The following FAHD1 variants were observed in gnomAD, a reference collection of about 807,000 sequenced individuals.
The protein encoded by FAHD1 is FAH domain containing oxaloacetate decarboxylase 1.
In FAHD1, 14 loss-of-function variants were observed where a neutral mutation model predicts 12.7. That is an observed-to-expected ratio of 1.10 (90% CI 0.73 to 1.72). The LOEUF (loss-of-function observed/expected upper bound fraction) is 1.72. Among genes scored for constraint, FAHD1 ranks in the 40% most tolerant of loss-of-function variants. The probability of loss-of-function intolerance (pLI) is 0.00; values close to 1 mark genes in which losing one functional copy is unlikely to be tolerated. For synonymous variants in FAHD1, 153 were observed against 124.9 expected (o/e 1.22, Z -1.50); for missense variants, 351 against 298.9 (o/e 1.17, Z -1.29).
downstream of FAHD1, chr16:1,829,035 T>A: frequency 1.9e-6 from 1 of 519,502 alleles, no homozygotes; most frequent in Middle Eastern, 9.7e-4. Context: ...TTAACACAGT[T>A]AATCAGCAAC....
chr16:1,832,320 T>G (rs552221274), downstream of FAHD1, among the ~76,000 whole-genome samples: 25,947 of 148,926 alleles, frequency 0.17, 2,399 homozygotes, highest in South Asian at 0.27. Context: ...ACAGGCGCCC[T>G]CCACCACACC....
At chr16:1,837,977 T>A (rs1442069663) in intron 1 of FAHD1, 1 of 1,443,926 alleles carries the variant, frequency 6.9e-7, no homozygotes, top group Non-Finnish European at 9.2e-7. Flanking sequence ...AAATTTTATT[T>A]GCAGTAATTA....
chr16:1,829,050 C>T, downstream of FAHD1: 1 of 436,926 alleles, frequency 2.3e-6, no homozygotes, highest in Non-Finnish European at 3.1e-6. Flanking sequence ...AGCAACTGTA[C>T]TTCCCAACCG....
chr16:1,832,679 G>A (rs1242220388), downstream of FAHD1, among the ~76,000 whole-genome samples: 1 of 152,010 alleles, frequency 6.6e-6, no homozygotes, highest in African/African-American at 2.4e-5. Context: ...CTGGACACGG[G>A]GCTCAGTGGA....
At chr16:1,828,528 A>T (rs1201940349) in exon 1 of FAHD1, 10 of 1,000,122 alleles carry the variant, frequency 1.0e-5, no homozygotes, top group Non-Finnish European at 1.2e-5. Flanking sequence ...TTCAGCACTT[A>T]AAAACTGCAG....
chr16:1,836,163 G>GTTATT (rs149317740), intron 1 of FAHD1, among the ~76,000 whole-genome samples: 26,923 of 151,814 alleles, frequency 0.18, 2,519 homozygotes, highest in South Asian at 0.27. Flanking sequence ...TTCAACATGT[G>GTTATT]TTATTTTTGT....
At chr16:1,837,724 G>T in intron 1 of FAHD1, 2 of 877,636 alleles carry the variant, frequency 2.3e-6, no homozygotes, top group Non-Finnish European at 3.4e-6. Flanking sequence ...TTTTTCTTAT[G>T]GTTTGAATAT....
At chr16:1,831,819 G>A (rs1382295631), downstream of FAHD1, among the ~76,000 whole-genome samples, 1 of 152,114 alleles carries the variant, frequency 6.6e-6, no homozygotes, top group Non-Finnish European at 1.5e-5. Context: ...CTGCACATGC[G>A]AGGGATCTAG....
At chr16:1,838,217 C>G (rs1012180974) in intron 2 of FAHD1, 3 of 430,234 alleles carry the variant, frequency 7.0e-6, no homozygotes, top group African/African-American at 6.1e-5. Flanking sequence ...CCAGGGTGAT[C>G]TTGAACTCCT....
downstream of FAHD1, among the ~76,000 whole-genome samples, chr16:1,832,240 G>T (rs559506925): frequency 7.4e-6 from 1 of 134,782 alleles, no homozygotes; most frequent in African/African-American, 2.8e-5. Context: ...GCATGATCTC[G>T]GCTCACTGCA....
chr16:1,835,444 C>A (rs1367078933), intron 1 of FAHD1, among the ~76,000 whole-genome samples: 2 of 151,740 alleles, frequency 1.3e-5, no homozygotes, highest in African/African-American at 2.4e-5. Flanking sequence ...GCACTTTAAC[C>A]AACATTTTAT....
chr16:1,827,239 A>C (rs770138965), exon 1 of FAHD1: 3 of 1,601,578 alleles, frequency 1.9e-6, no homozygotes, highest in Middle Eastern at 1.7e-4. Flanking sequence ...GATGGGAATC[A>C]TGGCAGCATC....
At chr16:1,827,433 G>T in exon 1 of FAHD1, 5 of 1,610,284 alleles carry the variant, frequency 3.1e-6, no homozygotes, top group Non-Finnish European at 4.2e-6. Flanking sequence ...CTCGCAACCT[G>T]CACCACGAGC....
chr16:1,827,383 T>G (rs1898500748), exon 1 of FAHD1: 1 of 1,612,294 alleles, frequency 6.2e-7, no homozygotes, highest in Non-Finnish European at 8.5e-7. Context: ...GTCCACGGCC[T>G]ACGCGCCCGA....
exon 1 of FAHD1, chr16:1,827,320 G>A (rs1390850352): frequency 6.2e-7 from 1 of 1,613,244 alleles, no homozygotes; most frequent in South Asian, 1.1e-5. Flanking sequence ...CGCGGACCAC[G>A]TCAGGGAGAT....
chr16:1,829,892 T>C (rs1302305456), downstream of FAHD1, among the ~76,000 whole-genome samples: 2 of 151,372 alleles, frequency 1.3e-5, no homozygotes, highest in African/African-American at 2.4e-5. Context: ...AGATGGCGTT[T>C]AACTCTTTTT....
At chr16:1,837,847 T>C in intron 1 of FAHD1, 1 of 1,535,166 alleles carries the variant, frequency 6.5e-7, no homozygotes, top group Non-Finnish European at 8.8e-7. Flanking sequence ...TCTGTTCATC[T>C]GTCATTGCAA....
chr16:1,827,396 G>A (rs1463146744), exon 1 of FAHD1: 4 of 1,611,558 alleles, frequency 2.5e-6, no homozygotes, highest in Non-Finnish European at 2.5e-6. Flanking sequence ...GCGCCCGAGG[G>A]CTCGCCCATC....
chr16:1,837,365 C>G (rs1439900495), intron 1 of FAHD1, among the ~76,000 whole-genome samples: 1 of 152,106 alleles, frequency 6.6e-6, no homozygotes, highest in Middle Eastern at 3.2e-3. Flanking sequence ...ACAACCTAGT[C>G]TGACCTTTTG....
Sources: gnomAD v4.1 joint callset for allele counts (sites outside exome capture counted in the v4.1 genomes callset) on GRCh38, gnomAD v4.1.1 for gene constraint, MANE v1.5 for transcripts, NCBI Gene and HGNC (gene_info 2026-07-23, HGNC 2026-07-21) for gene names.